The following PPP6R2 variants were observed in gnomAD, a reference collection of about 807,000 sequenced individuals.
PPP6R2 encodes protein phosphatase 6 regulatory subunit 2.
A neutral mutation model predicts 100.2 loss-of-function variants in PPP6R2; 62 were observed. The observed-to-expected ratio is 0.62, with a 90% CI of 0.50 to 0.76. The LOEUF is 0.76. Ranked by LOEUF, PPP6R2 falls within the 30% of genes least tolerant of loss-of-function variation. The pLI is 0.00. For synonymous variants in PPP6R2, 525 were observed against 514.7 expected, an observed-to-expected ratio of 1.02 and a Z score of -0.27; for missense variants, 1,142 against 1,276.3, an observed-to-expected ratio of 0.89 and a Z score of 1.60.
chr22:50,414,836 T>C (rs1487220150), intron 5 of PPP6R2, 147 bp downstream of exon 5: 1 of 902,506 alleles, frequency 1.1e-6, no homozygotes, highest in Admixed American at 2.8e-5. Flanking sequence ...TAGGGGTTCT[T>C]GTCAAGGATT....
intron 22 of PPP6R2, among the ~76,000 whole-genome samples, chr22:50,442,405 G>A (rs1162739622): frequency 6.6e-6 from 1 of 152,256 alleles, no homozygotes; most frequent in African/African-American, 2.4e-5. Flanking sequence ...TCTGCAGCAA[G>A]TGGGGGGCAC....
chr22:50,437,935 C>CT, intron 17 of PPP6R2, 35 bp downstream of exon 17: 1 of 1,563,588 alleles, frequency 6.4e-7, no homozygotes. Flanking sequence ...TGCCGCCACC[C>CT]TTTTCCCAGG....
At chr22:50,339,811 TGGTGTGTGG>T (rs2042350408), upstream of PPP6R2, among the ~76,000 whole-genome samples, 7 of 69,390 alleles carry the variant, frequency 1.0e-4, no homozygotes, top group Admixed American at 1.8e-4. Context: ...TATGTGTGTG[TGGTGTGTGG>T]GGTATGTAGT....
intron 3 of PPP6R2, among the ~76,000 whole-genome samples, chr22:50,401,265 T>C (rs2057973358): frequency 6.6e-6 from 1 of 152,018 alleles, no homozygotes; most frequent in South Asian, 2.1e-4. Flanking sequence ...TGGAGTGAAG[T>C]GGCACGATCT....
the PPP6R2 span, among the ~76,000 whole-genome samples, chr22:50,335,237 T>A: frequency 1.5e-5 from 2 of 132,674 alleles, no homozygotes; most frequent in Admixed American, 7.6e-5. Flanking sequence ...TTTTTTTTTT[T>A]TTTTTTTAGT....
intron 14 of PPP6R2, 63 bp downstream of exon 14, chr22:50,436,515 C>G: frequency 2.0e-6 from 3 of 1,503,440 alleles, no homozygotes; most frequent in Non-Finnish European, 2.7e-6. Flanking sequence ...TCAGACGCTC[C>G]TGCCTTTGCC....
At chr22:50,361,506 T>TA (rs2047788287) in intron 1 of PPP6R2, among the ~76,000 whole-genome samples, 1 of 152,138 alleles carries the variant, frequency 6.6e-6, no homozygotes, top group Non-Finnish European at 1.5e-5. Flanking sequence ...TGTTGGCTCT[T>TA]ACTTCTTCTG....
rs748838234 is a variant in PPP6R2, at chr22:50,438,596, C to G, written c.1965-3C>G. 1 of 1,613,600 alleles carries G rather than the reference C, an allele frequency of 6.2e-7. No individual in the cohort carries two copies. The highest frequency in any genetic ancestry group is 8.5e-7 in the Non-Finnish European group (1 of 1,179,806). On this transcript the variant is annotated splice_region_variant and splice_polypyrimidine_tract_variant and intron_variant, in intron 18 of 23. Transcript: ENST00000612753. Reference sequence around the variant, plus strand: ...CAGACATCTGACTCTGAATCTCCCCCAGGTTTGGAGCCCCCCATGCTTCAG... The same window carrying G: ...CAGACATCTGACTCTGAATCTCCCCGAGGTTTGGAGCCCCCCATGCTTCAG...
chr22:50,349,627 A>C (rs1190967077), intron 1 of PPP6R2, among the ~76,000 whole-genome samples: 1 of 151,968 alleles, frequency 6.6e-6, no homozygotes, highest in Non-Finnish European at 1.5e-5. Context: ...GGAATTCGAG[A>C]CCAGCCTGGC....
upstream of PPP6R2, among the ~76,000 whole-genome samples, chr22:50,340,586 T>G (rs574476602): frequency 1.8e-3 from 231 of 127,384 alleles, no homozygotes; most frequent in Non-Finnish European, 3.1e-3. Context: ...ATGTGGTGTG[T>G]GGTGTGTGTG....
At chr22:50,394,913 C>CA (rs57028687) in intron 3 of PPP6R2, among the ~76,000 whole-genome samples, 2,146 of 76,230 alleles carry the variant, frequency 0.028, 84 homozygotes, top group East Asian at 0.091. Context: ...GACTCTGTCT[C>CA]AAAAAAAAAA....
chr22:50,404,813 C>A (rs1464992088), intron 3 of PPP6R2, among the ~76,000 whole-genome samples: 2 of 152,096 alleles, frequency 1.3e-5, no homozygotes, highest in African/African-American at 2.4e-5. Context: ...CAGGCCTGTT[C>A]TGAGACAGCC....
Position 50,411,405 on chromosome 22 carries a change from G to C in PPP6R2, c.415-3147G>C, listed in dbSNP as rs1161791236. 2.6e-5 allele frequency among the ~76,000 whole-genome samples: 4 copies of C among 151,988 alleles called. No homozygotes were observed. In the South Asian group the frequency reaches 8.3e-4, roughly 32 times the overall value. On this transcript the variant is annotated intron_variant, in intron 4 of 23. Coordinates refer to ENST00000612753, the MANE Select transcript of PPP6R2 (RefSeq NM_001242898.2). ...GAAGGCGGAGGTTGCAGTGAGCCAA[G>C]ATTGGGCCACTGCACTCCAGCCTAG...
upstream of PPP6R2, among the ~76,000 whole-genome samples, chr22:50,342,810 G>T (rs2042551718): frequency 6.6e-6 from 1 of 152,166 alleles, no homozygotes. Flanking sequence ...TCTGGAGGCG[G>T]CTCAGGCACT....
intron 1 of PPP6R2, among the ~76,000 whole-genome samples, chr22:50,371,053 G>A (rs8141888): frequency 0.29 from 44,140 of 152,044 alleles, 6,598 homozygotes; most frequent in South Asian, 0.45. Flanking sequence ...AGAGCTAAAC[G>A]TCAGACCTTT....
chr22:50,419,608 G>A, intron 8 of PPP6R2, 146 bp downstream of exon 8: 2 of 652,308 alleles, frequency 3.1e-6, no homozygotes, highest in Non-Finnish European at 5.4e-6. Flanking sequence ...CCTTGTTGAA[G>A]GCTTGACTTT....
At chr22:50,338,109 T>G in the PPP6R2 span, among the ~76,000 whole-genome samples, 1 of 144,750 alleles carries the variant, frequency 6.9e-6, no homozygotes, top group Non-Finnish European at 1.5e-5. Flanking sequence ...GTGTGGTATG[T>G]GGTGTGTGTG....
intron 1 of PPP6R2, among the ~76,000 whole-genome samples, chr22:50,371,696 G>A (rs185306031): frequency 3.4e-4 from 51 of 152,110 alleles, no homozygotes; most frequent in African/African-American, 1.2e-3. Context: ...CTGGAGTGCA[G>A]TGGCATGATC....
chr22:50,438,063 A>T (rs1343610616), intron 17 of PPP6R2, 111 bp from the exon 18 acceptor site: 1 of 1,511,652 alleles, frequency 6.6e-7, no homozygotes, highest in African/African-American at 1.4e-5. Context: ...CCTCCCCTCC[A>T]GCCCGGGGCT....
Sources: gnomAD v4.1 joint callset for allele counts (sites outside exome capture counted in the v4.1 genomes callset) on GRCh38, gnomAD v4.1.1 for gene constraint, MANE v1.5 for transcripts, NCBI Gene and HGNC (gene_info 2026-07-23, HGNC 2026-07-21) for gene names.